Variants in EXD3 observed in about 807,000 individuals in gnomAD.
The protein encoded by EXD3 is exonuclease mut-7 homolog.
A neutral mutation model predicts 98.0 loss-of-function variants in EXD3; 92 were observed. That is an observed-to-expected ratio of 0.94 (90% CI 0.79 to 1.12). The LOEUF is 1.12. Among genes scored for constraint, EXD3 ranks in the 50% most tolerant of loss-of-function variants. EXD3 has a pLI of 0.00. For missense variants in EXD3, 1,222 were observed against 1,191.6 expected (o/e 1.03, Z -0.38); for synonymous variants, 569 against 526.0 (o/e 1.08, Z -1.12).
intron 5 of EXD3, among the ~76,000 whole-genome samples, chr9:137,370,952 G>T (rs369307793): frequency 1.3e-4 from 20 of 152,354 alleles, no homozygotes; most frequent in East Asian, 1.2e-3. Context: ...TGAGTCGTGA[G>T]TCCCAGCTAA....
Position 137,353,241 on chromosome 9 carries a change from C to A in EXD3, c.871-455G>T, listed in dbSNP as rs565846036. The A allele has an allele frequency of 1.8e-4, 176 of 984,794 alleles. 1 individual carries two copies. In the South Asian group the frequency reaches 7.2e-3, roughly 41 times the overall value. 61.0% of individuals were successfully genotyped at this position (984,794 alleles called of 1,614,324 possible). A position where few individuals can be genotyped will look rare whatever the true frequency, so the allele number is the denominator to read the frequency against. On this transcript the variant is annotated intron_variant, in intron 10 of 21. Coordinates refer to ENST00000340951, the MANE Select transcript of EXD3 (RefSeq NM_017820.5). The stretch of plus-strand genomic sequence containing the variant: ...TCCACTGACCTTTCCAGCCTCCAAG[C>A]CTCCACTGGCCCTCCTGGCCTCCAA...
chr9:137,421,702 G>A (rs1838521441), intron 1 of EXD3, among the ~76,000 whole-genome samples: 1 of 152,174 alleles, frequency 6.6e-6, no homozygotes, highest in Admixed American at 6.5e-5. Context: ...GCCGGTCCTG[G>A]TGGCAAACAC....
intron 17 of EXD3, among the ~76,000 whole-genome samples, chr9:137,329,268 G>A (rs375689948): frequency 6.0e-5 from 1 of 16,554 alleles, no homozygotes. Context: ...GCTACACGGG[G>A]CTACACGGGA....
intron 19 of EXD3, among the ~76,000 whole-genome samples, chr9:137,320,764 C>T (rs1032191563): frequency 4.6e-5 from 7 of 152,210 alleles, no homozygotes; most frequent in African/African-American, 7.2e-5. Context: ...CCCCAGCACC[C>T]GGCTGGCCAG....
intron 1 of EXD3, among the ~76,000 whole-genome samples, chr9:137,406,248 G>A (rs1588432683): frequency 8.9e-6 from 1 of 111,916 alleles, no homozygotes; most frequent in South Asian, 2.8e-4. Flanking sequence ...GAAAAGAAAA[G>A]AAAAGGAAAG....
At position 137,407,490 on chromosome 9, in the gene EXD3, T is replaced by G. The variant is rs1266383414; in HGVS notation, c.-47-12086A>C. ...AGGGCAGGTCTGGCCGCTCTCGGGC[T>G]CTGCCCTGCCAGCCCCACAACCCAG... On this transcript the variant is annotated intron_variant, in intron 1 of 21. Coordinates refer to ENST00000340951, the MANE Select transcript of EXD3 (RefSeq NM_017820.5). The surrounding 1 kb of genome is among the most constrained non-coding windows in gnomAD (Gnocchi z 4.4). Among the ~76,000 whole-genome samples, 1 of 152,154 alleles carries G rather than the reference T, an allele frequency of 6.6e-6. No individual in the cohort carries two copies. The highest frequency in any genetic ancestry group is 2.4e-5 in the African/African-American group (1 of 41,442).
chr9:137,383,585 G>A (rs1411150572), intron 2 of EXD3, among the ~76,000 whole-genome samples: 4 of 152,178 alleles, frequency 2.6e-5, no homozygotes, highest in Non-Finnish European at 2.9e-5. Context: ...CCTGTGGCCC[G>A]TGGCCGCCCA....
At chr9:137,332,648 C>G (rs558452739) in intron 17 of EXD3, among the ~76,000 whole-genome samples, 2 of 152,056 alleles carry the variant, frequency 1.3e-5, no homozygotes, top group East Asian at 3.9e-4. Context: ...TCGAGACCAT[C>G]CTGGCTAAAA....
At chr9:137,355,700 A>AGGAGAAAG (rs1564509233) in intron 8 of EXD3, among the ~76,000 whole-genome samples, 132 of 70,534 alleles carry the variant, frequency 1.9e-3, no homozygotes, top group South Asian at 4.8e-3. Flanking sequence ...AAAGGGAGGA[A>AGGAGAAAG]GGAGGAAGGA....
chr9:137,328,136 G>A (rs79274409), intron 17 of EXD3, among the ~76,000 whole-genome samples: 31 of 12,340 alleles, frequency 2.5e-3, no homozygotes, highest in Admixed American at 4.1e-3. Flanking sequence ...TAAAAACAAC[G>A]AATAAACACC....
rs371077343 is a variant in EXD3, at chr9:137,349,362, C to G, written c.1657+7G>C. The G allele has an allele frequency of 2.5e-6, 4 of 1,578,000 alleles. No homozygotes were observed. Among genetic ancestry groups the G allele is most frequent in the Non-Finnish European group, 8.6e-7 (1 of 1,167,790 alleles). ...GAGGGGTCACTCCCACCCGCCGCAC[C>G]GCACACCTGCGTAGATGACCTGCTC... On this transcript the variant is annotated splice_region_variant and intron_variant, in intron 15 of 21. Transcript: ENST00000340951. This position sits in a 1 kb window ranked among gnomAD's most constrained non-coding sequence, Gnocchi z 7.4.
Position 137,356,373 on chromosome 9 carries a change from G to A in EXD3, c.657-5C>T, listed in dbSNP as rs1272416365. On this transcript the variant is annotated splice_polypyrimidine_tract_variant and splice_region_variant and intron_variant, in intron 7 of 21. Coordinates refer to ENST00000340951, the MANE Select transcript of EXD3 (RefSeq NM_017820.5). ...GAGGTCACCTCAGGGTACCGTCTGT[G>A]GGGAGAGAGAGGCACAGCCTCTGTT... 3 of 1,567,638 alleles carry A rather than the reference G, an allele frequency of 1.9e-6. No individual in the cohort carries two copies. The highest frequency in any genetic ancestry group is 1.2e-5 in the South Asian group (1 of 86,928).
rs898432277 is a variant in EXD3 at position 137,367,669 on chromosome 9, G to A, written c.516+267C>T. The stretch of plus-strand genomic sequence containing the variant: ...CTGGTGCCCACTCCAGGGAAGGGGT[G>A]GCCCCAGCTGCTGCACGGAGCACAC... On this transcript the variant is annotated intron_variant, in intron 6 of 21. Coordinates refer to ENST00000340951, the MANE Select transcript of EXD3 (RefSeq NM_017820.5). 6.1e-5 allele frequency: 25 copies of A among 412,570 alleles called. No homozygotes were observed. In the Admixed American group the frequency reaches 8.1e-4, roughly 13 times the overall value. 25.6% of individuals were successfully genotyped at this position (412,570 alleles called of 1,614,324 possible). A position where few individuals can be genotyped will look rare whatever the true frequency, so the allele number is the denominator to read the frequency against.
Position 137,354,695 on chromosome 9 carries a change from C to A in EXD3, c.831+5G>T. On this transcript the variant is annotated splice_donor_5th_base_variant and intron_variant, in intron 9 of 21. Coordinates refer to ENST00000340951, the MANE Select transcript of EXD3 (RefSeq NM_017820.5). ...TGCCCCCAGGACCCCCTCCTGCTCA[C>A]GAACCTCCACAAACCGCTTGTGGCA... 6.2e-7 allele frequency: 1 copy of A among 1,610,578 alleles called. No homozygotes were observed.
intron 1 of EXD3, among the ~76,000 whole-genome samples, chr9:137,419,542 G>C (rs1838404712): frequency 6.6e-6 from 1 of 152,162 alleles, no homozygotes; most frequent in South Asian, 2.1e-4. Context: ...GGTGGCTCAT[G>C]CCTGTAATCC....
At chr9:137,422,983 G>C (rs1252028249) in intron 1 of EXD3, 131 bp downstream of exon 1, 1 of 151,988 alleles carries the variant, frequency 6.6e-6, no homozygotes, top group Non-Finnish European at 1.5e-5. Flanking sequence ...CCCACCCCGG[G>C]AGAGCCGGCG....
chr9:137,353,375 C>T, intron 10 of EXD3: 1 of 985,422 alleles, frequency 1.0e-6, no homozygotes, highest in Non-Finnish European at 1.2e-6. Flanking sequence ...TCTGGAGCAC[C>T]TGCCCAGCCT....
At chr9:137,372,549 AGG>A (rs1835680812) in intron 5 of EXD3, among the ~76,000 whole-genome samples, 2 of 152,352 alleles carry the variant, frequency 1.3e-5, no homozygotes, top group South Asian at 4.1e-4. Context: ...GGAGGCGCAG[AGG>A]CTAACAGACA....
rs34352018 is a variant in EXD3, at chr9:137,333,640, G to A, written c.1999-9497C>T. Among the ~76,000 whole-genome samples, 1,196 of 152,158 alleles carry A rather than the reference G, an allele frequency of 7.9e-3. 8 individuals carry two copies. The highest frequency in any genetic ancestry group is 0.012 in the Non-Finnish European group (829 of 68,006). ...CTGGTCGTTTAAAAGTGCGTAGCGC[G>A]TCCCCTCTTGCTCTCTCGCTCCTGC... On this transcript the variant is annotated intron_variant, in intron 17 of 21. Transcript: ENST00000340951.
Sources: allele counts gnomAD v4.1 joint callset (sites outside exome capture counted in the v4.1 genomes callset), GRCh38; gene constraint gnomAD v4.1.1; non-coding constraint Gnocchi (gnomAD v3.1); transcripts MANE v1.5; gene names NCBI Gene and HGNC (gene_info 2026-07-23, HGNC 2026-07-21).